Variants in DPP10 observed in about 807,000 individuals in gnomAD.
The protein encoded by DPP10 is inactive dipeptidyl peptidase 10.
In DPP10, 33 loss-of-function variants were observed where a neutral mutation model predicts 120.9. The observed-to-expected ratio is 0.27, with a 90% CI of 0.21 to 0.37. The LOEUF is 0.37. Among genes scored for constraint, DPP10 ranks in the 10% least tolerant of loss-of-function variants. The probability of loss-of-function intolerance (pLI) is 1.00; values close to 1 mark genes in which losing one functional copy is unlikely to be tolerated. For missense variants in DPP10, 816 were observed against 942.8 expected, an observed-to-expected ratio of 0.87 and a Z score of 1.76; for synonymous variants, 337 against 326.1, an observed-to-expected ratio of 1.03 and a Z score of -0.36.
intron 21 of DPP10, among the ~76,000 whole-genome samples, chr2:115,832,361 G>A (rs534828146): frequency 5.5e-4 from 83 of 152,208 alleles, no homozygotes; most frequent in South Asian, 4.4e-3. Flanking sequence ...ACGGTGGCAC[G>A]CACCTGTGGT....
At chr2:114,873,332 G>A (rs1272359399) in intron 1 of DPP10, among the ~76,000 whole-genome samples, 1 of 152,132 alleles carries the variant, frequency 6.6e-6, no homozygotes, top group African/African-American at 2.4e-5. Flanking sequence ...TAAAGAGGAT[G>A]AATGAGCCAC....
At chr2:115,038,282 A>T (rs999361772) in intron 1 of DPP10, among the ~76,000 whole-genome samples, 23 of 151,014 alleles carry the variant, frequency 1.5e-4, no homozygotes, top group South Asian at 2.1e-4. Context: ...TTATTTATTT[A>T]TTTTTTGAGA....
intron 1 of DPP10, among the ~76,000 whole-genome samples, chr2:115,299,875 T>C (rs1171790298): frequency 6.6e-6 from 1 of 152,026 alleles, no homozygotes; most frequent in Non-Finnish European, 1.5e-5. Context: ...TATTTGGATT[T>C]TCACTGGAAT....
At chr2:115,232,859 T>C (rs2057804867) in intron 1 of DPP10, among the ~76,000 whole-genome samples, 1 of 152,228 alleles carries the variant, frequency 6.6e-6, no homozygotes, top group Non-Finnish European at 1.5e-5. Context: ...GTTCTGTGTA[T>C]GTTATTATTA....
chr2:114,847,842 T>A (rs1688663893), intron 1 of DPP10, among the ~76,000 whole-genome samples: 1 of 152,150 alleles, frequency 6.6e-6, no homozygotes, highest in Non-Finnish European at 1.5e-5. Context: ...TGGGGGAAAG[T>A]ACTGAATAAT....
At chr2:115,303,105 T>G (rs1246845761) in intron 1 of DPP10, among the ~76,000 whole-genome samples, 3 of 152,054 alleles carry the variant, frequency 2.0e-5, no homozygotes, top group African/African-American at 7.2e-5. Context: ...TTGACTAAAG[T>G]TGTCTTTAGT....
At chr2:115,698,360 C>T (rs1348494571) in intron 7 of DPP10, among the ~76,000 whole-genome samples, 1 of 152,242 alleles carries the variant, frequency 6.6e-6, no homozygotes, top group South Asian at 2.1e-4. Context: ...GCAGCAAAAA[C>T]AGTGTAAGCG....
chr2:115,403,238 G>GA (rs1157348749), intron 3 of DPP10, among the ~76,000 whole-genome samples: 1 of 151,662 alleles, frequency 6.6e-6, no homozygotes, highest in Non-Finnish European at 1.5e-5. Flanking sequence ...TAACTATACG[G>GA]AAAAAATGTA....
At chr2:115,812,515 A>AT (rs1338352248) in intron 19 of DPP10, among the ~76,000 whole-genome samples, 1 of 152,238 alleles carries the variant, frequency 6.6e-6, no homozygotes, top group African/African-American at 2.4e-5. Flanking sequence ...TTACTTCTGA[A>AT]TGAAGACATC....
chr2:114,944,682 G>A (rs1697216806), intron 1 of DPP10, among the ~76,000 whole-genome samples: 1 of 152,114 alleles, frequency 6.6e-6, no homozygotes, highest in South Asian at 2.1e-4. Flanking sequence ...CACTGAATGA[G>A]CGCTAAGGTT....
In DPP10 at chr2:114,780,175, T is replaced by C. The variant is rs369500756; in HGVS notation, c.60+337337T>C. 2.6e-5 allele frequency among the ~76,000 whole-genome samples: 4 copies of C among 152,094 alleles called. No individual in the cohort carries two copies. In the East Asian group the frequency reaches 7.7e-4, roughly 29 times the overall value. ...GGAAAGGAGGGAAGGAAAAGAGGGATGATTGATTTTCCCTGCCTTACTCAC... is the reference window on the plus strand; with the variant it reads ...GGAAAGGAGGGAAGGAAAAGAGGGACGATTGATTTTCCCTGCCTTACTCAC... On this transcript the variant is annotated intron_variant, in intron 1 of 25. Coordinates refer to ENST00000410059, the MANE Select transcript of DPP10 (RefSeq NM_020868.6).
At chr2:114,543,906 T>G (rs1490038971) in intron 1 of DPP10, among the ~76,000 whole-genome samples, 1 of 152,054 alleles carries the variant, frequency 6.6e-6, no homozygotes, top group African/African-American at 2.4e-5. Flanking sequence ...TTGTTTTTGT[T>G]TGTTTGTTTA....
At chr2:115,331,186 C>A (rs1364079902) in intron 2 of DPP10, among the ~76,000 whole-genome samples, 1 of 152,098 alleles carries the variant, frequency 6.6e-6, no homozygotes, top group African/African-American at 2.4e-5. Context: ...CTCTTTGAAG[C>A]AATTGTGAAT....
intron 1 of DPP10, among the ~76,000 whole-genome samples, chr2:114,764,010 T>C (rs1230972693): frequency 1.3e-5 from 2 of 152,150 alleles, no homozygotes; most frequent in African/African-American, 4.8e-5. Context: ...ATTTTTAAAT[T>C]TGGGACACTG....
At chr2:114,641,946 ACTTT>A (rs1386307303) in intron 1 of DPP10, among the ~76,000 whole-genome samples, 2 of 151,846 alleles carry the variant, frequency 1.3e-5, no homozygotes, top group African/African-American at 4.9e-5. Flanking sequence ...ACACTTTTTC[ACTTT>A]TAAAAAAAAT....
At chr2:115,382,828 A>T (rs2066514377) in intron 3 of DPP10, among the ~76,000 whole-genome samples, 1 of 152,214 alleles carries the variant, frequency 6.6e-6, no homozygotes, top group Non-Finnish European at 1.5e-5. Flanking sequence ...AACTGAAGAT[A>T]ATAAAGACAC....
chr2:114,588,884 G>A (rs1691219141), intron 1 of DPP10, among the ~76,000 whole-genome samples: 1 of 152,056 alleles, frequency 6.6e-6, no homozygotes, highest in South Asian at 2.1e-4. Flanking sequence ...TTGGCACTCA[G>A]CATCCAACCC....
At chr2:115,380,800 C>T (rs549424395) in intron 3 of DPP10, among the ~76,000 whole-genome samples, 1 of 152,070 alleles carries the variant, frequency 6.6e-6, no homozygotes, top group Admixed American at 6.5e-5. Flanking sequence ...TTTATTTCTC[C>T]TTCACTTATG....
chr2:114,450,287 C>T (rs1186713045), intron 1 of DPP10, among the ~76,000 whole-genome samples: 3 of 152,084 alleles, frequency 2.0e-5, no homozygotes, highest in Admixed American at 6.6e-5. Context: ...TCACAATCTC[C>T]TAGTCAGACT....
Sources: allele counts gnomAD v4.1 joint callset (sites outside exome capture counted in the v4.1 genomes callset), GRCh38; gene constraint gnomAD v4.1.1; transcripts MANE v1.5; gene names NCBI Gene and HGNC (gene_info 2026-07-23, HGNC 2026-07-21).